CSMD1: variants seen among roughly 807,000 people sequenced by gnomAD.
CSMD1 encodes the protein CUB and Sushi multiple domains 1, also known as CUB and sushi domain-containing protein 1.
CSMD1 carries 213 observed loss-of-function variants against 417.5 expected under a neutral mutation model. The ratio of observed to expected loss-of-function variants is 0.51; its 90% CI spans 0.46 to 0.57. The LOEUF (loss-of-function observed/expected upper bound fraction) is 0.57. Ranked by LOEUF, CSMD1 falls within the 20% of genes least tolerant of loss-of-function variation. The probability of loss-of-function intolerance (pLI) is 0.00; values close to 1 mark genes in which losing one functional copy is unlikely to be tolerated. For missense variants in CSMD1, 6,923 were observed against 4,529.7 expected, an observed-to-expected ratio of 1.53 and a Z score of -15.17; for synonymous variants, 2,862 against 1,736.8, an observed-to-expected ratio of 1.65 and a Z score of -16.11.
intron 3 of CSMD1, among the ~76,000 whole-genome samples, chr8:4,292,960 C>G (rs1222635517): frequency 3.3e-5 from 5 of 152,162 alleles, no homozygotes; most frequent in Non-Finnish European, 7.3e-5. Context: ...ACAAAGCACT[C>G]CAGAGGCAAA....
At chr8:4,244,409 C>T (rs1285333354) in intron 3 of CSMD1, among the ~76,000 whole-genome samples, 1 of 152,056 alleles carries the variant, frequency 6.6e-6, no homozygotes, top group Non-Finnish European at 1.5e-5. Flanking sequence ...CTTCATAAAA[C>T]TAGTAGAAAA....
intron 10 of CSMD1, among the ~76,000 whole-genome samples, chr8:3,549,408 G>C (rs764550939): frequency 6.6e-6 from 1 of 152,222 alleles, no homozygotes; most frequent in Non-Finnish European, 1.5e-5. Flanking sequence ...GATGATGGGA[G>C]GCTATGCTTT....
At chr8:3,535,115 A>ATT (rs397953536) in intron 10 of CSMD1, among the ~76,000 whole-genome samples, 26 of 147,712 alleles carry the variant, frequency 1.8e-4, no homozygotes, top group Admixed American at 4.0e-4. Flanking sequence ...GTCAGCTAAT[A>ATT]TTTTTTTTTT....
intron 12 of CSMD1, among the ~76,000 whole-genome samples, chr8:3,449,651 G>A (rs1815561251): frequency 6.6e-6 from 1 of 152,036 alleles, no homozygotes; most frequent in East Asian, 1.9e-4. Flanking sequence ...CCAAGTAGCT[G>A]AGATTACAGG....
intron 49 of CSMD1, among the ~76,000 whole-genome samples, chr8:3,054,709 G>T (rs556291394): frequency 6.6e-6 from 1 of 152,302 alleles, no homozygotes; most frequent in East Asian, 1.9e-4. Context: ...GTGTACGTGT[G>T]TGTACATGTG....
chr8:3,666,978 T>G (rs1030047570), intron 7 of CSMD1, among the ~76,000 whole-genome samples: 3 of 152,154 alleles, frequency 2.0e-5, no homozygotes, highest in African/African-American at 7.2e-5. Flanking sequence ...TTGTAAGAGC[T>G]CGAATTTTAG....
chr8:3,917,693 G>A (rs1177013076), intron 5 of CSMD1, among the ~76,000 whole-genome samples: 2 of 152,032 alleles, frequency 1.3e-5, no homozygotes, highest in African/African-American at 4.8e-5. Context: ...CCATGAACTA[G>A]ATTGTTTTGG....
At chr8:3,719,010 C>G (rs921366597) in intron 6 of CSMD1, among the ~76,000 whole-genome samples, 1 of 152,078 alleles carries the variant, frequency 6.6e-6, no homozygotes. Context: ...TGAGACAACG[C>G]GCTCAGAAAC....
intron 37 of CSMD1, among the ~76,000 whole-genome samples, chr8:3,179,138 G>T (rs1464996270): frequency 2.0e-5 from 3 of 150,976 alleles, no homozygotes; most frequent in Non-Finnish European, 4.4e-5. Flanking sequence ...GTAGATACGG[G>T]GTTTCAACGT....
intron 5 of CSMD1, among the ~76,000 whole-genome samples, chr8:3,986,275 C>A (rs2554510): frequency 0.24 from 36,292 of 151,976 alleles, 4,511 homozygotes; most frequent in Admixed American, 0.33. Flanking sequence ...CATCAACATT[C>A]TCTCTACAAT....
At chr8:4,445,573 A>C (rs1366946383) in intron 2 of CSMD1, among the ~76,000 whole-genome samples, 1 of 152,208 alleles carries the variant, frequency 6.6e-6, no homozygotes, top group African/African-American at 2.4e-5. Flanking sequence ...ATGAATTGAA[A>C]TAATACGCTG....
At chr8:4,515,911 A>G (rs1012058476) in intron 2 of CSMD1, among the ~76,000 whole-genome samples, 7 of 152,160 alleles carry the variant, frequency 4.6e-5, no homozygotes, top group African/African-American at 1.4e-4. Context: ...AAATAGCCCA[A>G]ACTAGCAGAC....
intron 3 of CSMD1, among the ~76,000 whole-genome samples, chr8:4,249,097 G>C (rs989935127): frequency 1.3e-5 from 2 of 152,114 alleles, no homozygotes; most frequent in African/African-American, 4.8e-5. Context: ...CACCACTACA[G>C]ACTTCTCAAC....
intron 7 of CSMD1, among the ~76,000 whole-genome samples, chr8:3,634,965 C>T (rs1350447442): frequency 6.6e-6 from 1 of 151,924 alleles, no homozygotes; most frequent in African/African-American, 2.4e-5. Flanking sequence ...ATAATGCAGG[C>T]AACTCTAACA....
chr8:3,780,971 G>C (rs940414656), intron 5 of CSMD1, among the ~76,000 whole-genome samples: 1 of 152,176 alleles, frequency 6.6e-6, no homozygotes, highest in Non-Finnish European at 1.5e-5. Context: ...CTGTCTTCAT[G>C]ATCTGAAAAT....
intron 1 of CSMD1, among the ~76,000 whole-genome samples, chr8:4,755,099 C>T (rs1188769271): frequency 6.6e-6 from 1 of 152,326 alleles, no homozygotes; most frequent in East Asian, 1.9e-4. Context: ...TATGGTGCCA[C>T]TGCACTCCAG....
rs576247693 is a variant in CSMD1, at chr8:4,650,940, C to A, written c.86-13382G>T. On this transcript the variant is annotated intron_variant, in intron 1 of 69. Transcript: ENST00000635120. ...CTTATTTGCCTTGCTTTAACCATTA[C>A]AAATGAACCAGAAACTTGTACTCAT... Among the ~76,000 whole-genome samples the A allele has an allele frequency of 1.9e-4, 29 of 152,274 alleles. No homozygotes were observed. In the South Asian group the frequency reaches 5.8e-3, roughly 30 times the overall value.
At chr8:3,422,205 A>T (rs1026159606) in intron 12 of CSMD1, among the ~76,000 whole-genome samples, 1 of 152,124 alleles carries the variant, frequency 6.6e-6, no homozygotes, top group Non-Finnish European at 1.5e-5. Context: ...GCCTCTCACC[A>T]TGAAGGGGCT....
rs75223191 is a variant in CSMD1 at position 3,733,168 on chromosome 8, T to TAC, written c.931+20760_931+20761dup. 4.0e-3 allele frequency among the ~76,000 whole-genome samples: 561 copies of TAC among 140,464 alleles called. 2 individuals are homozygous for TAC. The highest frequency in any genetic ancestry group is 0.023 in the East Asian group (112 of 4,782). The allele number at this position is 140,464 out of a possible 152,430, so 92.1% of individuals were successfully genotyped here. ...AGACTCAGTACCAGGAGGCCATAAA[T>TAC]ACACACACACACACACACACACACA... is the stretch of plus-strand genomic sequence containing the variant. On this transcript the variant is annotated intron_variant, in intron 6 of 69. Transcript: ENST00000635120.
Sources: allele counts gnomAD v4.1 joint callset (sites outside exome capture counted in the v4.1 genomes callset), GRCh38; gene constraint gnomAD v4.1.1; transcripts MANE v1.5; gene names NCBI Gene and HGNC (gene_info 2026-07-23, HGNC 2026-07-21).